ORC3: variants seen among roughly 807,000 people sequenced by gnomAD.
ORC3 encodes the protein homolog of latheo, Drosophila.
In ORC3, 78 loss-of-function variants were observed where a neutral mutation model predicts 100.7. That is an observed-to-expected ratio of 0.77 (90% confidence interval 0.65 to 0.94). The LOEUF (loss-of-function observed/expected upper bound fraction) is 0.94. Ranked by LOEUF, ORC3 falls within the 40% of genes least tolerant of loss-of-function variation. The pLI is 0.00. For missense variants in ORC3, 789 were observed against 823.9 expected (o/e 0.96, Z 0.52); for synonymous variants, 295 against 289.3 (o/e 1.02, Z -0.20).
intron 19 of ORC3, among the ~76,000 whole-genome samples, chr6:87,666,684 C>G (rs1208231199): frequency 6.6e-6 from 1 of 152,042 alleles, no homozygotes; most frequent in Non-Finnish European, 1.5e-5. Flanking sequence ...GGTGATCTGC[C>G]TGCCTCGGCC....
chr6:87,659,180 C>T (rs1255938760), intron 16 of ORC3, among the ~76,000 whole-genome samples: 3 of 150,644 alleles, frequency 2.0e-5, no homozygotes, highest in African/African-American at 4.9e-5. Flanking sequence ...TTTCCTGCCT[C>T]AGCCTCCCGA....
At chr6:87,674,645 T>TATAAATATATATATATATAAA in the ORC3 span, among the ~76,000 whole-genome samples, 3 of 148,162 alleles carry the variant, frequency 2.0e-5, no homozygotes, top group African/African-American at 7.4e-5. Context: ...TATATATATT[T>TATAAATATATATATATATAAA]TTTTTTTTTT....
At chr6:87,625,197 T>C (rs1410385934) in intron 11 of ORC3, among the ~76,000 whole-genome samples, 2 of 152,220 alleles carry the variant, frequency 1.3e-5, no homozygotes, top group Admixed American at 1.3e-4. Flanking sequence ...TTATAATCCT[T>C]TGGGTATATA....
At position 87,603,453 on chromosome 6, in the gene ORC3, G is replaced by T; in HGVS notation, c.247G>T (p.Gly83Ter). ...TGAATTTCTGCAAAAATCACATTCT[G>T]GATTCCAGAAGAATTCAAGAGACTT... ...LIEFLQKSHS[G>*]FQKNSRDLGG... Residue 83 changes from glycine (G) to a stop codon, truncating the protein, a stop_gained, in exon 4 of 20, where the codon GGA (glycine) becomes TGA (stop). Coordinates refer to ENST00000392844, the MANE Select transcript of ORC3 (RefSeq NM_012381.4). LOFTEE classifies it high-confidence loss of function. 1 of 1,533,066 alleles carries T rather than the reference G, an allele frequency of 6.5e-7. No homozygotes were observed. The highest frequency in any genetic ancestry group is 1.3e-5 in the South Asian group (1 of 78,770). 95.0% of individuals were successfully genotyped at this position (1,533,066 alleles called of 1,614,324 possible). A position where few individuals can be genotyped will look rare whatever the true frequency, so the allele number is the denominator to read the frequency against.
intron 13 of ORC3, among the ~76,000 whole-genome samples, chr6:87,643,384 A>C (rs371767894): frequency 6.6e-6 from 1 of 151,668 alleles, no homozygotes; most frequent in Admixed American, 6.6e-5. Context: ...TACTTTGACA[A>C]ATACTTCCAG....
intron 3 of ORC3, 74 bp downstream of exon 3, chr6:87,601,955 C>A: frequency 1.2e-6 from 1 of 862,978 alleles, no homozygotes; most frequent in South Asian, 1.4e-5. Context: ...TCCTTTCCAC[C>A]AGTTTACAAG....
At chr6:87,623,595 T>TGACA (rs1779679826) in intron 11 of ORC3, among the ~76,000 whole-genome samples, 1 of 152,172 alleles carries the variant, frequency 6.6e-6, no homozygotes, top group Non-Finnish European at 1.5e-5. Flanking sequence ...AGAAATTGCC[T>TGACA]GACATTGGTC....
chr6:87,625,138 T>C (rs1046564066), intron 11 of ORC3, among the ~76,000 whole-genome samples: 2 of 152,236 alleles, frequency 1.3e-5, no homozygotes, highest in Non-Finnish European at 2.9e-5. Context: ...CTATTGTGAA[T>C]AGTGCCGCAA....
Position 87,631,579 on chromosome 6 carries a change from G to A in ORC3, c.1186-3266G>A, listed in dbSNP as rs187452604. 6.3e-3 allele frequency among the ~76,000 whole-genome samples: 956 copies of A among 152,014 alleles called. 13 individuals carry two copies. Among genetic ancestry groups the A allele is most frequent in the African/African-American group, 0.022 (908 of 41,498 alleles). On this transcript the variant is annotated intron_variant, in intron 11 of 19. Coordinates refer to ENST00000392844, the MANE Select transcript of ORC3 (RefSeq NM_012381.4). The stretch of plus-strand genomic sequence containing the variant: ...GCGATCTTGGCTCACGGCAACCTCC[G>A]CCTCCTGGGTTCAAGTGATTCTCCT...
At chr6:87,592,429 G>A (rs1441227807) in intron 1 of ORC3, among the ~76,000 whole-genome samples, 1 of 151,910 alleles carries the variant, frequency 6.6e-6, no homozygotes, top group Non-Finnish European at 1.5e-5. Context: ...TCAGGAGTTC[G>A]AGACCAACCT....
chr6:87,605,585 G>A (rs1778271378), intron 4 of ORC3, among the ~76,000 whole-genome samples: 1 of 152,162 alleles, frequency 6.6e-6, no homozygotes, highest in South Asian at 2.1e-4. Flanking sequence ...GGGAGGTGAA[G>A]GATGCAGTGA....
At chr6:87,636,543 T>A in intron 13 of ORC3, 57 bp downstream of exon 13, 1 of 1,069,946 alleles carries the variant, frequency 9.3e-7, no homozygotes, top group Non-Finnish European at 1.5e-6. Context: ...TGCCAGTAAG[T>A]AGCACCTTCC....
intron 1 of ORC3, among the ~76,000 whole-genome samples, chr6:87,591,031 T>G (rs1252651805): frequency 2.0e-5 from 3 of 152,218 alleles, no homozygotes; most frequent in Non-Finnish European, 4.4e-5. Flanking sequence ...TCACCACATG[T>G]GGCTATTTAA....
At chr6:87,598,304 C>A (rs1053107667) in intron 2 of ORC3, among the ~76,000 whole-genome samples, 2 of 152,154 alleles carry the variant, frequency 1.3e-5, no homozygotes, top group African/African-American at 4.8e-5. Flanking sequence ...ATTATAGACC[C>A]AGACTGTTTC....
downstream of ORC3, among the ~76,000 whole-genome samples, chr6:87,672,390 G>A (rs983742034): frequency 6.6e-6 from 1 of 152,114 alleles, no homozygotes; most frequent in Non-Finnish European, 1.5e-5. Context: ...AGATGCAGTA[G>A]AGAGAGGAGA....
Position 87,667,349 on chromosome 6 carries a change from C to CAG in ORC3, c.*227_*228insGA, listed in dbSNP as rs1407578402. The CAG allele has an allele frequency of 5.1e-6, 2 of 391,400 alleles. No homozygotes were observed. The highest frequency in any genetic ancestry group is 9.0e-6 in the Non-Finnish European group (2 of 221,820). 24.2% of individuals were successfully genotyped at this position (391,400 alleles called of 1,614,324 possible). ...ATAATAATGTAACTAAAACTGCTCACACATTTTACTGTACTTTCCAAAGTC... is the reference window on the plus strand; with the variant it reads ...ATAATAATGTAACTAAAACTGCTCACAGACATTTTACTGTACTTTCCAAAGTC... On this transcript the variant is annotated 3_prime_UTR_variant, in exon 20 of 20. Transcript: ENST00000392844.
At chr6:87,632,207 A>G (rs1042936952) in intron 11 of ORC3, among the ~76,000 whole-genome samples, 1 of 152,198 alleles carries the variant, frequency 6.6e-6, no homozygotes, top group African/African-American at 2.4e-5. Context: ...GAATAAGTAA[A>G]GGCAGATACA....
chr6:87,633,434 G>A (rs1415329203), intron 11 of ORC3, among the ~76,000 whole-genome samples: 1 of 152,192 alleles, frequency 6.6e-6, no homozygotes, highest in East Asian at 1.9e-4. Flanking sequence ...CATAGATTTT[G>A]AAATTACCAA....
intron 2 of ORC3, among the ~76,000 whole-genome samples, chr6:87,599,934 C>G (rs1777769304): frequency 6.6e-6 from 1 of 152,166 alleles, no homozygotes; most frequent in South Asian, 2.1e-4. Flanking sequence ...GATCTCACCA[C>G]TTCACTCCAG....
Sources: allele counts gnomAD v4.1 joint callset (sites outside exome capture counted in the v4.1 genomes callset), GRCh38; gene constraint gnomAD v4.1.1; transcripts MANE v1.5; gene names NCBI Gene and HGNC (gene_info 2026-07-23, HGNC 2026-07-21).